The following RELN variants were observed in gnomAD, a reference collection of about 807,000 sequenced individuals.
RELN encodes the protein reelin.
Under a neutral mutation model 427.6 loss-of-function variants are expected in RELN, and 108 were observed. The observed-to-expected ratio is 0.25, with a 90% CI of 0.22 to 0.30. The LOEUF (loss-of-function observed/expected upper bound fraction) is 0.30, where lower values mean the gene tolerates loss of function less well. Among genes scored for constraint, RELN ranks in the 10% least tolerant of loss-of-function variants. The probability of loss-of-function intolerance (pLI) is 1.00; values close to 1 mark genes in which losing one functional copy is unlikely to be tolerated. For synonymous variants in RELN, 1,524 were observed against 1,513.4 expected (o/e 1.01, Z -0.16); for missense variants, 3,715 against 4,302.8 (o/e 0.86, Z 3.82).
At position 103,614,126 on chromosome 7, in the gene RELN, T is replaced by C. The variant is rs550709925; in HGVS notation, c.2703-2323A>G. On this transcript the variant is annotated intron_variant, in intron 20 of 64. Transcript: ENST00000428762. The stretch of plus-strand genomic sequence containing the variant: ...CCAAGACACCAAGAAAGAAACAAGA[T>C]AAAAATTACGTAAAATAATAGATTA... Among the ~76,000 whole-genome samples, 4 of 152,276 alleles carry C rather than the reference T, an allele frequency of 2.6e-5. No homozygotes were observed. The East Asian group carries it at 7.7e-4, about 29-fold the overall frequency.
chr7:103,641,176 T>C (rs771299662), intron 16 of RELN, among the ~76,000 whole-genome samples: 1 of 152,204 alleles, frequency 6.6e-6, no homozygotes, highest in Non-Finnish European at 1.5e-5. Flanking sequence ...TTAAATATTA[T>C]TAATTCTTTT....
In RELN at chr7:103,630,865, T is replaced by G. The variant is rs1246487804; in HGVS notation, c.2466-689A>C. Among the ~76,000 whole-genome samples the G allele has an allele frequency of 8.7e-5, 13 of 149,254 alleles. 1 individual carries two copies. The highest frequency in any genetic ancestry group is 2.5e-4 in the African/African-American group (10 of 40,282). ...GTTATTTTTTTGTTTTTTTTGTTTT[T>G]TTTTTTTTTGTTTTTTAACTAATGA... On this transcript the variant is annotated intron_variant, in intron 19 of 64. Transcript: ENST00000428762.
chr7:103,526,617 A>T (rs375249110), intron 46 of RELN, among the ~76,000 whole-genome samples: 1 of 152,188 alleles, frequency 6.6e-6, no homozygotes, highest in African/African-American at 2.4e-5. Flanking sequence ...GAACTGGAAT[A>T]TAAGTTAAAA....
intron 3 of RELN, among the ~76,000 whole-genome samples, chr7:103,792,480 TTA>T (rs1393991196): frequency 1.4e-5 from 2 of 146,828 alleles, no homozygotes; most frequent in Non-Finnish European, 3.0e-5. Context: ...ATCCTATATA[TTA>T]TATGATTCCA....
Position 103,553,507 on chromosome 7 carries a change from G to A in RELN, c.6026C>T (p.Thr2009Ile). ...CTCATTCACATTTAGGTCACGGGTG[G>A]TAATGGAATGCTCACCAACTTCATT... is the stretch of plus-strand genomic sequence containing the variant. ...VSNEVGEHSITTRDLNVNENT... is the reference protein window; with the variant it reads ...VSNEVGEHSIITRDLNVNENT... Residue 2009 changes from threonine (T) to isoleucine (I), a missense_variant, in exon 40 of 65, where the codon ACC becomes ATC. Thr to Ile is a moderately conservative substitution (Grantham distance 89). Transcript: ENST00000428762. 2 of 1,614,030 alleles carry A rather than the reference G, an allele frequency of 1.2e-6. No homozygotes were observed. The highest frequency in any genetic ancestry group is 2.2e-5 in the East Asian group (1 of 44,854).
chr7:103,954,444 A>ATG (rs34674439), intron 1 of RELN, among the ~76,000 whole-genome samples: 60,488 of 151,464 alleles, frequency 0.4, 12,669 homozygotes, highest in Non-Finnish European at 0.48. Context: ...ATGTGTAAGC[A>ATG]TGTGTGTGTG....
At chr7:103,948,632 C>T (rs1796267544) in intron 1 of RELN, among the ~76,000 whole-genome samples, 1 of 151,868 alleles carries the variant, frequency 6.6e-6, no homozygotes, top group Non-Finnish European at 1.5e-5. Context: ...GAGATCACGC[C>T]CCTGGACTCT....
intron 6 of RELN, among the ~76,000 whole-genome samples, chr7:103,742,598 C>T (rs1468349058): frequency 6.6e-6 from 1 of 152,112 alleles, no homozygotes; most frequent in Non-Finnish European, 1.5e-5. Flanking sequence ...AAAACCAAGG[C>T]ACGAGAGCTA....
chr7:103,665,360 G>GTATA (rs780813759), intron 11 of RELN, among the ~76,000 whole-genome samples: 1 of 142,132 alleles, frequency 7.0e-6, no homozygotes, highest in South Asian at 2.2e-4. Flanking sequence ...GTGTGTGTGT[G>GTATA]TGTATATATA....
chr7:103,940,778 G>T (rs1210085817), intron 1 of RELN, among the ~76,000 whole-genome samples: 1 of 152,162 alleles, frequency 6.6e-6, no homozygotes, highest in African/African-American at 2.4e-5. Context: ...TGATTGATTG[G>T]ATAATGGATT....
At chr7:103,846,352 G>C (rs188712128) in intron 2 of RELN, among the ~76,000 whole-genome samples, 1 of 152,168 alleles carries the variant, frequency 6.6e-6, no homozygotes, top group Non-Finnish European at 1.5e-5. Flanking sequence ...AATAAATGAT[G>C]TTGGGAAAAC....
chr7:103,758,725 T>C (rs1022385186), intron 4 of RELN, among the ~76,000 whole-genome samples: 1 of 150,118 alleles, frequency 6.7e-6, no homozygotes, highest in Admixed American at 6.7e-5. Context: ...ATAAATGTTA[T>C]GAGTGTCAAA....
intron 6 of RELN, among the ~76,000 whole-genome samples, chr7:103,730,075 T>A (rs926405003): frequency 1.3e-5 from 2 of 152,090 alleles, no homozygotes; most frequent in Non-Finnish European, 2.9e-5. Context: ...GGCCTCCAAG[T>A]CATTGTGAAA....
chr7:103,866,250 T>C (rs1455256677), intron 2 of RELN, among the ~76,000 whole-genome samples: 8 of 152,110 alleles, frequency 5.3e-5, no homozygotes, highest in Non-Finnish European at 1.0e-4. Context: ...AATTTCACCA[T>C]ATATAAAAGA....
chr7:103,557,024 G>A lies in RELN; in HGVS notation c.5750C>T (p.Ala1917Val). Reference sequence around the variant, plus strand: ...TCTGAATCTTGTAGCATTGGTTTGGGCAGTGTATGGCAAGGGAACATTGAT... The same window carrying A: ...TCTGAATCTTGTAGCATTGGTTTGGACAGTGTATGGCAAGGGAACATTGAT... ...LFINVPLPYTAQTNATRFRLW... is the reference protein window; with the variant it reads ...LFINVPLPYTVQTNATRFRLW... Residue 1917 changes from alanine to valine, a missense_variant, in exon 38 of 65, where the codon GCC (alanine) becomes GTC (valine). Ala to Val is a moderately conservative substitution (Grantham distance 64, BLOSUM62 0). Transcript: ENST00000428762. 2 of 1,613,736 alleles carry A rather than the reference G, an allele frequency of 1.2e-6. No homozygotes were observed. Among genetic ancestry groups the A allele is most frequent in the Non-Finnish European group, 1.7e-6 (2 of 1,179,622 alleles).
At chr7:103,895,231 C>A (rs1794933504) in intron 2 of RELN, among the ~76,000 whole-genome samples, 1 of 152,118 alleles carries the variant, frequency 6.6e-6, no homozygotes, top group Non-Finnish European at 1.5e-5. Context: ...GGCTGTACAT[C>A]TTCTGGGCAA....
At chr7:103,730,133 T>C (rs565879421) in intron 6 of RELN, among the ~76,000 whole-genome samples, 2 of 152,154 alleles carry the variant, frequency 1.3e-5, no homozygotes, top group African/African-American at 2.4e-5. Flanking sequence ...AGTAAAAGAA[T>C]GTTCAAACCT....
At chr7:103,542,215 T>C (rs1215950223) in intron 43 of RELN, among the ~76,000 whole-genome samples, 3 of 152,348 alleles carry the variant, frequency 2.0e-5, no homozygotes, top group East Asian at 1.9e-4. Context: ...GAGTGAATCA[T>C]TGGAAAGATG....
intron 2 of RELN, among the ~76,000 whole-genome samples, chr7:103,833,986 T>C (rs1260834698): frequency 6.6e-6 from 1 of 152,172 alleles, no homozygotes; most frequent in Non-Finnish European, 1.5e-5. Flanking sequence ...TTAGATTTAT[T>C]GAAACTGTCT....
Sources: gnomAD v4.1 joint callset for allele counts (sites outside exome capture counted in the v4.1 genomes callset) on GRCh38, gnomAD v4.1.1 for gene constraint, MANE v1.5 for transcripts, NCBI Gene and HGNC (gene_info 2026-07-23, HGNC 2026-07-21) for gene names.